Variants in PPM1E observed in about 807,000 individuals in gnomAD.
PPM1E encodes the protein protein phosphatase 1E.
A neutral mutation model predicts 65.9 loss-of-function variants in PPM1E; 20 were observed. The observed-to-expected ratio is 0.30, with a 90% confidence interval of 0.21 to 0.44. PPM1E has a LOEUF of 0.44. Among genes scored for constraint, PPM1E ranks in the 20% least tolerant of loss-of-function variants. The pLI, the probability that PPM1E is intolerant of heterozygous loss-of-function variation, is 1.00. For synonymous variants in PPM1E, 352 were observed against 374.9 expected (o/e 0.94, Z 0.70); for missense variants, 713 against 953.1 (o/e 0.75, Z 3.32).
At chr17:58,975,547 T>C (rs1882407414) in intron 6 of PPM1E, among the ~76,000 whole-genome samples, 1 of 152,090 alleles carries the variant, frequency 6.6e-6, no homozygotes, top group Admixed American at 6.6e-5. Flanking sequence ...TTGAGTTGAA[T>C]GTGGAGGATA....
At chr17:58,840,189 G>A (rs769284975) in intron 1 of PPM1E, among the ~76,000 whole-genome samples, 12 of 152,182 alleles carry the variant, frequency 7.9e-5, no homozygotes, top group Non-Finnish European at 1.2e-4. Context: ...AATCTGTGAC[G>A]ACACGCTAGA....
At chr17:58,866,894 AT>A (rs1418313725) in intron 1 of PPM1E, among the ~76,000 whole-genome samples, 1 of 152,250 alleles carries the variant, frequency 6.6e-6, no homozygotes, top group East Asian at 1.9e-4. Flanking sequence ...AGATTTCTTC[AT>A]TTGATATCAA....
chr17:58,824,042 A>G (rs1156317159), intron 1 of PPM1E, among the ~76,000 whole-genome samples: 1 of 152,118 alleles, frequency 6.6e-6, no homozygotes, highest in East Asian at 1.9e-4. Context: ...CAAAATTTAA[A>G]TTTAATACAA....
intron 1 of PPM1E, among the ~76,000 whole-genome samples, chr17:58,931,743 A>G (rs2051902591): frequency 6.6e-6 from 1 of 152,166 alleles, no homozygotes; most frequent in Non-Finnish European, 1.5e-5. Flanking sequence ...AAGGTTTTAT[A>G]TCTAGCTTAC....
At chr17:58,830,631 A>G (rs112915836) in intron 1 of PPM1E, among the ~76,000 whole-genome samples, 142 of 151,878 alleles carry the variant, frequency 9.3e-4, no homozygotes, top group Non-Finnish European at 1.7e-3. Flanking sequence ...GAGAAAGATG[A>G]TAGCATTCTG....
intron 3 of PPM1E, 69 bp downstream of exon 3, chr17:58,965,962 A>G (rs540734553): frequency 2.0e-6 from 3 of 1,472,782 alleles, no homozygotes; most frequent in Non-Finnish European, 1.9e-6. Context: ...GTCCTGTTAG[A>G]AAAGGAAAAC....
At position 58,984,034 on chromosome 17, in the gene PPM1E, A is replaced by G. The variant is rs1482536927; in HGVS notation, c.*3003A>G. Reference sequence around the variant, plus strand: ...CATTACAGCAACACACACTGGGGCTATTAATCCCATTTAGGTCTGTACTAA... The same window carrying G: ...CATTACAGCAACACACACTGGGGCTGTTAATCCCATTTAGGTCTGTACTAA... On this transcript the variant is annotated 3_prime_UTR_variant, in exon 7 of 7. Coordinates refer to ENST00000308249, the MANE Select transcript of PPM1E (RefSeq NM_014906.5). 1 of 152,662 alleles carries G rather than the reference A, an allele frequency of 6.6e-6. No individual in the cohort carries two copies. Among genetic ancestry groups the G allele is most frequent in the Non-Finnish European group, 1.5e-5 (1 of 68,030 alleles). The allele number at this position is 152,662 out of a possible 1,614,324, so 9.5% of individuals were successfully genotyped here.
intron 1 of PPM1E, among the ~76,000 whole-genome samples, chr17:58,930,889 A>G (rs1340288385): frequency 1.3e-5 from 2 of 151,982 alleles, no homozygotes; most frequent in African/African-American, 4.8e-5. Flanking sequence ...TAATATTTAA[A>G]GATTTTTTAA....
At chr17:58,878,993 A>G (rs1450239381) in intron 1 of PPM1E, among the ~76,000 whole-genome samples, 4 of 151,794 alleles carry the variant, frequency 2.6e-5, no homozygotes, top group Non-Finnish European at 4.4e-5. Flanking sequence ...TCACCTTGCC[A>G]TTTATTTTTC....
chr17:58,895,142 G>T (rs1033346255), intron 1 of PPM1E, among the ~76,000 whole-genome samples: 2 of 152,006 alleles, frequency 1.3e-5, no homozygotes, highest in African/African-American at 4.8e-5. Context: ...TAATTTTGGG[G>T]GGTGGCACCA....
intron 1 of PPM1E, among the ~76,000 whole-genome samples, chr17:58,771,217 T>C (rs2049934939): frequency 6.6e-6 from 1 of 152,084 alleles, no homozygotes; most frequent in African/African-American, 2.4e-5. Flanking sequence ...GGCTTGGTAA[T>C]TTTTGTGGTT....
At chr17:58,764,955 T>A (rs1187218467) in intron 1 of PPM1E, among the ~76,000 whole-genome samples, 1 of 151,878 alleles carries the variant, frequency 6.6e-6, no homozygotes, top group Non-Finnish European at 1.5e-5. Context: ...TTCTCTTTAT[T>A]ATTATTTTCC....
At chr17:58,929,195 G>A (rs1339300933) in intron 1 of PPM1E, among the ~76,000 whole-genome samples, 1 of 151,934 alleles carries the variant, frequency 6.6e-6, no homozygotes, top group East Asian at 1.9e-4. Context: ...AGTAAAAGAA[G>A]CCTTACATAA....
intron 1 of PPM1E, among the ~76,000 whole-genome samples, chr17:58,760,092 G>A (rs997737409): frequency 6.6e-6 from 1 of 152,180 alleles, no homozygotes; most frequent in African/African-American, 2.4e-5. Flanking sequence ...TGCTTCTCAG[G>A]CTATCCCACT....
At chr17:58,826,138 A>G (rs1016873214) in intron 1 of PPM1E, among the ~76,000 whole-genome samples, 8 of 151,432 alleles carry the variant, frequency 5.3e-5, no homozygotes, top group Non-Finnish European at 1.2e-4. Flanking sequence ...AAAATACAAA[A>G]ATTAGCTGGA....
intron 1 of PPM1E, among the ~76,000 whole-genome samples, chr17:58,934,671 A>C (rs940724984): frequency 7.9e-5 from 12 of 152,290 alleles, no homozygotes; most frequent in African/African-American, 2.6e-4. Context: ...CTCAGCCTAT[A>C]ATCCCAGCAC....
At chr17:58,762,573 T>C (rs1598554505) in intron 1 of PPM1E, among the ~76,000 whole-genome samples, 2 of 152,280 alleles carry the variant, frequency 1.3e-5, no homozygotes, top group South Asian at 4.1e-4. Context: ...TTACTACATA[T>C]GAATTTGTAT....
intron 1 of PPM1E, among the ~76,000 whole-genome samples, chr17:58,812,303 CAAAAAAAAAAAAAAAAA>C (rs35132799): frequency 1.0e-4 from 5 of 49,770 alleles, no homozygotes; most frequent in African/African-American, 3.8e-4. Flanking sequence ...GACTCTGTTT[CAAAAAAAAAAAAAAAAA>C]AAAAAAAAAG....
intron 6 of PPM1E, among the ~76,000 whole-genome samples, chr17:58,979,058 C>G (rs1598716124): frequency 6.6e-6 from 1 of 152,164 alleles, no homozygotes; most frequent in East Asian, 1.9e-4. Flanking sequence ...ACTAACTTAC[C>G]CTTCAGGACC....
Sources: gnomAD v4.1 joint callset for allele counts (sites outside exome capture counted in the v4.1 genomes callset) on GRCh38, gnomAD v4.1.1 for gene constraint, MANE v1.5 for transcripts, NCBI Gene and HGNC (gene_info 2026-07-23, HGNC 2026-07-21) for gene names.